KIF26B: variants seen among roughly 807,000 people sequenced by gnomAD.
KIF26B encodes kinesin-like protein KIF26B.
A neutral mutation model predicts 151.2 loss-of-function variants in KIF26B; 63 were observed. That is an observed-to-expected ratio of 0.42 (90% CI 0.34 to 0.51). The LOEUF (loss-of-function observed/expected upper bound fraction) is 0.51, where lower values mean the gene tolerates loss of function less well. Ranked by LOEUF, KIF26B falls within the 20% of genes least tolerant of loss-of-function variation. The pLI is 0.07. For synonymous variants in KIF26B, 1,357 were observed against 1,262.1 expected (o/e 1.08, Z -1.59); for missense variants, 2,813 against 2,913.6 (o/e 0.97, Z 0.79).
At chr1:245,196,161 G>A (rs903054814) in intron 2 of KIF26B, among the ~76,000 whole-genome samples, 5 of 152,282 alleles carry the variant, frequency 3.3e-5, no homozygotes, top group South Asian at 2.1e-4. Context: ...GGAAGACCCC[G>A]TTTAACAAGA....
chr1:245,397,587 C>T (rs1673879754), intron 3 of KIF26B, among the ~76,000 whole-genome samples: 1 of 152,078 alleles, frequency 6.6e-6, no homozygotes, highest in Admixed American at 6.6e-5. Context: ...CTACAGATTC[C>T]TTGTAGAAAA....
chr1:245,548,911 C>A (rs1426700276), intron 5 of KIF26B, among the ~76,000 whole-genome samples: 1 of 152,052 alleles, frequency 6.6e-6, no homozygotes, highest in Non-Finnish European at 1.5e-5. Flanking sequence ...GCCTGGCTAA[C>A]TTTTTGTATT....
chr1:245,445,536 A>G (rs976607748), intron 4 of KIF26B, among the ~76,000 whole-genome samples: 1 of 152,206 alleles, frequency 6.6e-6, no homozygotes, highest in Non-Finnish European at 1.5e-5. Context: ...CACATGGAAT[A>G]AGATTGGTTA....
chr1:245,179,827 T>C (rs1031295986), intron 2 of KIF26B, among the ~76,000 whole-genome samples: 39 of 152,118 alleles, frequency 2.6e-4, no homozygotes, highest in Non-Finnish European at 1.2e-4. Flanking sequence ...CAAGCAGGTG[T>C]TTGCTTTGGA....
rs2044815903 is a variant in KIF26B at position 245,704,553 on chromosome 1, A to G, written c.*1947A>G. 1 of 152,228 alleles carries G rather than the reference A, an allele frequency of 6.6e-6. No individual in the cohort carries two copies. Among genetic ancestry groups the G allele is most frequent in the Non-Finnish European group, 1.5e-5 (1 of 68,068 alleles). The allele number at this position is 152,228 out of a possible 1,614,324, so 9.4% of individuals were successfully genotyped here. A position where few individuals can be genotyped will look rare whatever the true frequency, so the allele number is the denominator to read the frequency against. On this transcript the variant is annotated 3_prime_UTR_variant, in exon 15 of 15. Coordinates refer to ENST00000407071, the MANE Select transcript of KIF26B (RefSeq NM_018012.4). ...AAGGTGCAAACAGGAGACATGCCCA[A>G]ATCTGCTGGCTGAACAGGCTAAACT...
intron 3 of KIF26B, among the ~76,000 whole-genome samples, chr1:245,411,493 T>C (rs960518025): frequency 2.6e-5 from 4 of 152,172 alleles, no homozygotes; most frequent in Non-Finnish European, 5.9e-5. Flanking sequence ...CATCTGTTTC[T>C]CTGCCTGCAA....
At chr1:245,198,564 C>T (rs1471264488) in intron 2 of KIF26B, among the ~76,000 whole-genome samples, 12 of 151,888 alleles carry the variant, frequency 7.9e-5, no homozygotes, top group Admixed American at 7.9e-4. Flanking sequence ...TCTACTAAAA[C>T]TACAAAAATT....
chr1:245,447,952 T>C (rs568965863), intron 4 of KIF26B, among the ~76,000 whole-genome samples: 141 of 152,348 alleles, frequency 9.3e-4, no homozygotes, highest in African/African-American at 3.2e-3. Context: ...ACCGCCTCTT[T>C]AATAAAGCTG....
Position 245,688,033 on chromosome 1 carries a change from C to G in KIF26B, c.5050C>G (p.Arg1684Gly). ...CCACTACGAATGCCTCTCCCTGGAGCGGGCCGAGAGCCTGTCCTCCGTGAG... is the reference window on the plus strand; with the variant it reads ...CCACTACGAATGCCTCTCCCTGGAGGGGGCCGAGAGCCTGTCCTCCGTGAG... ...VSHYECLSLERAESLSSVSSR... is the reference protein window; with the variant it reads ...VSHYECLSLEGAESLSSVSSR... Residue 1684 changes from arginine to glycine, a missense_variant, in exon 12 of 15, where the codon CGG becomes GGG. Arg to Gly is a moderately radical substitution (Grantham distance 125, BLOSUM62 -2). Transcript: ENST00000407071. The G allele has an allele frequency of 6.4e-7, 1 of 1,557,396 alleles. No homozygotes were observed. Among genetic ancestry groups the G allele is most frequent in the Non-Finnish European group, 8.7e-7 (1 of 1,151,538 alleles).
intron 2 of KIF26B, among the ~76,000 whole-genome samples, chr1:245,293,723 C>T (rs1241960315): frequency 6.6e-6 from 1 of 152,022 alleles, no homozygotes; most frequent in Non-Finnish European, 1.5e-5. Context: ...GGATTACAGG[C>T]TTGTGCCACC....
At chr1:245,237,050 T>G (rs3008471) in intron 2 of KIF26B, among the ~76,000 whole-genome samples, 3 of 152,234 alleles carry the variant, frequency 2.0e-5, no homozygotes, top group Admixed American at 2.0e-4. Context: ...TAGCAGAATT[T>G]GTCTGCAATG....
At chr1:245,247,373 G>A (rs573746587) in intron 2 of KIF26B, among the ~76,000 whole-genome samples, 157 of 152,148 alleles carry the variant, frequency 1.0e-3, no homozygotes, top group Non-Finnish European at 1.9e-3. Flanking sequence ...CAGGAGAATC[G>A]CTTGAACCTG....
rs111820488 is a variant in KIF26B at position 245,372,746 on chromosome 1, C to T, written c.999+5379C>T. Reference sequence around the variant, plus strand: ...CAGGAAAGACTGTACACATAACACACGGAGTTATAGGATGTTGGTGATGTT... The same window carrying T: ...CAGGAAAGACTGTACACATAACACATGGAGTTATAGGATGTTGGTGATGTT... On this transcript the variant is annotated intron_variant, in intron 3 of 14. Coordinates refer to ENST00000407071, the MANE Select transcript of KIF26B (RefSeq NM_018012.4). 9.7e-3 allele frequency among the ~76,000 whole-genome samples: 1,470 copies of T among 152,270 alleles called. 26 individuals carry two copies. Among genetic ancestry groups the T allele is most frequent in the African/African-American group, 0.032 (1,346 of 41,532 alleles).
At chr1:245,561,900 TCCTG>T (rs1446783515) in intron 5 of KIF26B, among the ~76,000 whole-genome samples, 2 of 152,190 alleles carry the variant, frequency 1.3e-5, no homozygotes, top group Non-Finnish European at 2.9e-5. Flanking sequence ...TCAGAGGTGG[TCCTG>T]CCTCTTCTCA....
At chr1:245,558,517 T>G (rs528383756) in intron 5 of KIF26B, among the ~76,000 whole-genome samples, 3 of 152,250 alleles carry the variant, frequency 2.0e-5, no homozygotes, top group Non-Finnish European at 4.4e-5. Flanking sequence ...AGTTCCCTCC[T>G]GCCCCTGAGG....
intron 9 of KIF26B, among the ~76,000 whole-genome samples, chr1:245,632,586 T>C (rs1007219532): frequency 6.6e-6 from 1 of 152,194 alleles, no homozygotes; most frequent in Non-Finnish European, 1.5e-5. Flanking sequence ...ATTTTCTGTC[T>C]AGTTGATCTG....
At chr1:245,640,864 T>G (rs1055568266) in intron 9 of KIF26B, among the ~76,000 whole-genome samples, 2 of 152,220 alleles carry the variant, frequency 1.3e-5, no homozygotes, top group Non-Finnish European at 2.9e-5. Context: ...GATCAAAATT[T>G]GCCTACCTCA....
intron 2 of KIF26B, among the ~76,000 whole-genome samples, chr1:245,158,846 G>A (rs1262636621): frequency 3.7e-5 from 1 of 26,706 alleles, no homozygotes; most frequent in Admixed American, 3.6e-4. Context: ...AATTGTGTGT[G>A]TGTGTGTGTG....
intron 2 of KIF26B, among the ~76,000 whole-genome samples, chr1:245,333,121 C>G (rs1337656205): frequency 6.6e-6 from 1 of 152,052 alleles, no homozygotes; most frequent in African/African-American, 2.4e-5. Flanking sequence ...TACTGGAAGG[C>G]CCAACAGATA....
Sources: allele counts gnomAD v4.1 joint callset (sites outside exome capture counted in the v4.1 genomes callset), GRCh38; gene constraint gnomAD v4.1.1; transcripts MANE v1.5; gene names NCBI Gene and HGNC (gene_info 2026-07-23, HGNC 2026-07-21).